The following PDLIM7 variants were observed in gnomAD, a reference collection of about 807,000 sequenced individuals.
PDLIM7 encodes PDZ and LIM domain protein 7.
Under a neutral mutation model 53.9 loss-of-function variants are expected in PDLIM7, and 37 were observed. The observed-to-expected ratio is 0.69, with a 90% CI of 0.53 to 0.90. PDLIM7 has a LOEUF of 0.90. PDLIM7 is among the 40% of genes least tolerant of loss of function. PDLIM7 has a pLI of 0.00. For synonymous variants in PDLIM7, 300 were observed against 261.3 expected (o/e 1.15, Z -1.43); for missense variants, 617 against 638.5 (o/e 0.97, Z 0.36).
In PDLIM7 at chr5:177,489,636, G is replaced by C. The variant is rs1481538287; in HGVS notation, c.635-9C>G. On this transcript the variant is annotated splice_polypyrimidine_tract_variant and intron_variant, in intron 8 of 12. Coordinates refer to ENST00000355841, the MANE Select transcript of PDLIM7 (RefSeq NM_005451.5). The stretch of plus-strand genomic sequence containing the variant: ...GCTGGGGGCGGTAGGGCCTGCCGGG[G>C]AAAGTGACTCTAAAGGGGTGCCCAG... 2 of 1,576,522 alleles carry C rather than the reference G, an allele frequency of 1.3e-6. No homozygotes were observed. The highest frequency in any genetic ancestry group is 1.7e-6 in the Non-Finnish European group (2 of 1,164,280).
chr5:177,483,519 A>G lies in PDLIM7; in HGVS notation c.*125T>C, dbSNP rs1442401311. On this transcript the variant is annotated 3_prime_UTR_variant, in exon 13 of 13. Coordinates refer to ENST00000355841, the MANE Select transcript of PDLIM7 (RefSeq NM_005451.5). ...AAGGTGGGTGGGGCAGGGCCCAGGG[A>G]GCCCCAGGCTCGGGCCAGGAGCCAG... The G allele has an allele frequency of 4.6e-6, 3 of 658,170 alleles. No individual in the cohort carries two copies. The highest frequency in any genetic ancestry group is 3.6e-5 in the African/African-American group (2 of 54,798). The allele number at this position is 658,170 out of a possible 1,614,324, so 40.8% of individuals were successfully genotyped here.
rs749574706 is a variant in PDLIM7 at position 177,492,677 on chromosome 5, G to C, written c.97C>G (p.Leu33Val). Residue 33 changes from leucine (L) to valine (V), a missense_variant and splice_region_variant, in exon 3 of 13, where the codon CTC becomes GTC. Coordinates refer to ENST00000355841, the MANE Select transcript of PDLIM7 (RefSeq NM_005451.5). ...TGCGCCGCTTTGCCCCCAGGAGTGAGCTGTGGAGAGAGAAGCAAAGTGACC... is the reference window on the plus strand; with the variant it reads ...TGCGCCGCTTTGCCCCCAGGAGTGACCTGTGGAGAGAGAAGCAAAGTGACC... Reference protein sequence around the residue: ...DFNVPLSISRLTPGGKAAQAG... With the variant: ...DFNVPLSISRVTPGGKAAQAG... 1 of 1,602,028 alleles carries C rather than the reference G, an allele frequency of 6.2e-7. No individual in the cohort carries two copies. Among genetic ancestry groups the C allele is most frequent in the Admixed American group, 1.7e-5 (1 of 60,006 alleles).
Position 177,489,628 on chromosome 5 carries a change from C to T in PDLIM7, c.635-1G>A. 1 of 1,585,958 alleles carries T rather than the reference C, an allele frequency of 6.3e-7. No individual in the cohort carries two copies. Among genetic ancestry groups the T allele is most frequent in the Non-Finnish European group, 8.6e-7 (1 of 1,168,524 alleles). ...CTGGTAGGGCTGGGGGCGGTAGGGC[C>T]TGCCGGGGAAAGTGACTCTAAAGGG... On this transcript the variant is annotated splice_acceptor_variant, in intron 8 of 12. Coordinates refer to ENST00000355841, the MANE Select transcript of PDLIM7 (RefSeq NM_005451.5). LOFTEE classifies it high-confidence loss of function.
In PDLIM7 at chr5:177,496,573, C is replaced by T. The variant is rs573505338; in HGVS notation, c.-11-50G>A. 40 of 1,370,410 alleles carry T rather than the reference C, an allele frequency of 2.9e-5. No homozygotes were observed. The Admixed American group carries it at 3.5e-4, about 12-fold the overall frequency. 84.9% of individuals were successfully genotyped at this position (1,370,410 alleles called of 1,614,324 possible). A position where few individuals can be genotyped will look rare whatever the true frequency, so the allele number is the denominator to read the frequency against. ...GTGGCCAGCATGGTGGGCGGGCAGG[C>T]AGGCAGGCCGGGCCAGCTCAGGATA... On this transcript the variant is annotated intron_variant, in intron 1 of 12. Coordinates refer to ENST00000355841, the MANE Select transcript of PDLIM7 (RefSeq NM_005451.5).
chr5:177,490,749 GGAAGGAAGGA>G lies in PDLIM7; in HGVS notation c.572+111_572+120del, dbSNP rs1758721869. ...AGGAAGGAAGGAAGGAAGGAAGGAA[GGAAGGAAGGA>G]AGGAAGGGAGAATTGAGAGCCCCAG... On this transcript the variant is annotated intron_variant, in intron 7 of 12. Coordinates refer to ENST00000355841, the MANE Select transcript of PDLIM7 (RefSeq NM_005451.5). The G allele has an allele frequency of 5.0e-6, 5 of 998,852 alleles. No individual in the cohort carries two copies. In the East Asian group the frequency reaches 7.4e-5, roughly 15 times the overall value. The allele number at this position is 998,852 out of a possible 1,614,324, so 61.9% of individuals were successfully genotyped here. A position where few individuals can be genotyped will look rare whatever the true frequency, so the allele number is the denominator to read the frequency against.
chr5:177,487,330 G>A (rs981483055), intron 10 of PDLIM7, among the ~76,000 whole-genome samples: 3 of 152,270 alleles, frequency 2.0e-5, no homozygotes, highest in African/African-American at 7.2e-5. Context: ...GCCACTGGGT[G>A]TGGTCATGTG....
intron 10 of PDLIM7, chr5:177,484,995 C>T (rs911909731): frequency 2.0e-5 from 3 of 152,832 alleles, no homozygotes; most frequent in Non-Finnish European, 4.4e-5. Flanking sequence ...CGAATGCAGT[C>T]TTCTCCATGA....
chr5:177,491,844 C>T lies in PDLIM7; in HGVS notation c.361G>A (p.Ala121Thr), dbSNP rs538572297. 1.2e-5 allele frequency: 15 copies of T among 1,283,342 alleles called. No homozygotes were observed. In the South Asian group the frequency reaches 3.8e-4, roughly 33 times the overall value. 79.5% of individuals were successfully genotyped at this position (1,283,342 alleles called of 1,614,324 possible). Residue 121 changes from alanine to threonine, a missense_variant, in exon 5 of 13, where the codon GCG (alanine) becomes ACG (threonine). Physicochemically the swap from Ala to Thr is moderately conservative, Grantham distance 58. Transcript: ENST00000355841. ...GGGGCGCTGTCAGCGGGCGGGGGCG[C>T]CCCAAAGGGCCGGGCCGTCTTGTTG... ...SLNKTARPFG[A>T]PPPADSAPQQ...
At chr5:177,491,209 A>G (rs1019238170) in intron 5 of PDLIM7, 63 bp from the exon 6 acceptor site, 7 of 1,538,462 alleles carry the variant, frequency 4.5e-6, no homozygotes, top group Non-Finnish European at 4.4e-6. Context: ...AGCCCCTCCC[A>G]GGATTTGGTG....
chr5:177,488,059 C>G lies in PDLIM7; in HGVS notation c.1050+9G>C. ...TGGGACCACCTCCCCGCCAGCCAGC[C>G]CTACTCACGCCTGTAATCTTCTTCT... On this transcript the variant is annotated intron_variant, in intron 10 of 12. Transcript: ENST00000355841. 1 of 1,576,236 alleles carries G rather than the reference C, an allele frequency of 6.3e-7. No individual in the cohort carries two copies. The highest frequency in any genetic ancestry group is 8.6e-7 in the Non-Finnish European group (1 of 1,159,552).
intron 9 of PDLIM7, 84 bp from the exon 10 acceptor site, chr5:177,488,332 C>G (rs1057326221): frequency 3.5e-5 from 42 of 1,194,294 alleles, no homozygotes; most frequent in Admixed American, 1.2e-4. Context: ...GACCACCCAC[C>G]AGGAGGCCTT....
intron 8 of PDLIM7, 67 bp from the exon 9 acceptor site, chr5:177,489,694 A>T (rs1758647628): frequency 6.7e-7 from 1 of 1,484,896 alleles, no homozygotes; most frequent in East Asian, 2.4e-5. Flanking sequence ...AGCCCCAGGC[A>T]GCTGAGAGAA....
Position 177,484,108 on chromosome 5 carries a change from G to A in PDLIM7, c.1133C>T (p.Ala378Val), listed in dbSNP as rs143574817. 3.0e-5 allele frequency: 48 copies of A among 1,614,004 alleles called. No individual in the cohort carries two copies. The African/African-American group carries it at 6.0e-4, about 20-fold the overall frequency. ...AACKTPIRNRAFYMEEGVPYC... is the reference protein window; with the variant it reads ...AACKTPIRNRVFYMEEGVPYC... The stretch of plus-strand genomic sequence containing the variant: ...GGGCACGCCCTCCTCCATGTAGAAG[G>A]CCCTGTTCCGGATGGGCGTCTTGCA... The change falls in exon 11 of 13, where the codon GCC becomes GTC. Residue 378 changes from alanine (A) to valine (V), a missense_variant. Ala to Val is a moderately conservative substitution (Grantham distance 64). Transcript: ENST00000355841.
intron 7 of PDLIM7, 60 bp from the exon 8 acceptor site, chr5:177,489,892 C>G (rs759068219): frequency 1.3e-6 from 2 of 1,545,786 alleles, no homozygotes; most frequent in South Asian, 1.2e-5. Context: ...GCCCCACCCC[C>G]CAACCTGGGT....
At position 177,491,434 on chromosome 5, in the gene PDLIM7, A is replaced by C. The variant is rs149403449; in HGVS notation, c.399-288T>G. The C allele has an allele frequency of 1.6e-3, 2,444 of 1,547,760 alleles. 19 individuals are homozygous for C. The African/African-American group carries it at 0.02, about 13-fold the overall frequency. ...AGGGGTCTGCACCTGTGAAGGAAAT[A>C]AGACAGACAGACAGATAAAGGGACA... On this transcript the variant is annotated intron_variant, in intron 5 of 12. Coordinates refer to ENST00000355841, the MANE Select transcript of PDLIM7 (RefSeq NM_005451.5).
At chr5:177,485,714 G>A (rs1758405487) in intron 10 of PDLIM7, among the ~76,000 whole-genome samples, 2 of 152,258 alleles carry the variant, frequency 1.3e-5, no homozygotes, top group Non-Finnish European at 2.9e-5. Context: ...GCTGGGCGCA[G>A]TGGCTCACGT....
rs749620878 is a variant in PDLIM7, at chr5:177,488,266, C to CG, written c.870-19dup. 1.9e-6 allele frequency: 3 copies of CG among 1,580,816 alleles called. No individual in the cohort carries two copies. The Admixed American group carries it at 5.3e-5, about 28-fold the overall frequency. ...AGCGGCCCCTGCAGGGAGGCGAGAGCGGTCAGAGGGAGCACACGCAGAGAG... is the reference window on the plus strand; with the variant it reads ...AGCGGCCCCTGCAGGGAGGCGAGAGCGGGTCAGAGGGAGCACACGCAGAGAG... On this transcript the variant is annotated intron_variant, in intron 9 of 12. Coordinates refer to ENST00000355841, the MANE Select transcript of PDLIM7 (RefSeq NM_005451.5).
Position 177,483,530 on chromosome 5 carries a change from C to T in PDLIM7, c.*114G>A, listed in dbSNP as rs543500082. The T allele has an allele frequency of 1.5e-5, 11 of 732,336 alleles. No individual in the cohort carries two copies. The highest frequency in any genetic ancestry group is 7.1e-5 in the African/African-American group (4 of 56,290). 45.4% of individuals were successfully genotyped at this position (732,336 alleles called of 1,614,324 possible). ...GGCAGGGCCCAGGGAGCCCCAGGCTCGGGCCAGGAGCCAGGGTTAAGGCAA... is the reference window on the plus strand; with the variant it reads ...GGCAGGGCCCAGGGAGCCCCAGGCTTGGGCCAGGAGCCAGGGTTAAGGCAA... On this transcript the variant is annotated 3_prime_UTR_variant, in exon 13 of 13. Transcript: ENST00000355841.
At chr5:177,486,857 T>C (rs565814388) in intron 10 of PDLIM7, among the ~76,000 whole-genome samples, 1 of 148,234 alleles carries the variant, frequency 6.7e-6, no homozygotes, top group Non-Finnish European at 1.5e-5. Context: ...GGTCTCAATC[T>C]CCTGACCTCG....
Sources: gnomAD v4.1 joint callset for allele counts (sites outside exome capture counted in the v4.1 genomes callset) on GRCh38, gnomAD v4.1.1 for gene constraint, MANE v1.5 for transcripts, NCBI Gene and HGNC (gene_info 2026-07-23, HGNC 2026-07-21) for gene names.